Variants in LETM2 observed in about 807,000 individuals in gnomAD.
The protein encoded by LETM2 is LETM1 domain-containing protein LETM2, mitochondrial.
Under a neutral mutation model 59.6 loss-of-function variants are expected in LETM2, and 58 were observed. The ratio of observed to expected loss-of-function variants is 0.97; its 90% CI spans 0.79 to 1.21. The LOEUF is 1.21. LETM2 is among the 50% of genes most tolerant of loss of function. The pLI is 0.00. For missense variants in LETM2, 572 were observed against 575.7 expected (o/e 0.99, Z 0.07); for synonymous variants, 199 against 214.1 (o/e 0.93, Z 0.62).
At chr8:38,399,715 T>C (rs762700964) in intron 4 of LETM2, among the ~76,000 whole-genome samples, 1 of 148,188 alleles carries the variant, frequency 6.7e-6, no homozygotes, top group Non-Finnish European at 1.5e-5. Flanking sequence ...GAGAGAGAGG[T>C]TGCAGTGAGT....
At chr8:38,395,691 T>A (rs1432308500) in intron 4 of LETM2, among the ~76,000 whole-genome samples, 1 of 152,114 alleles carries the variant, frequency 6.6e-6, no homozygotes, top group East Asian at 1.9e-4. Context: ...AATTTTTGTA[T>A]TTTTAGTAGA....
intron 8 of LETM2, among the ~76,000 whole-genome samples, chr8:38,405,960 T>C (rs187271902): frequency 1.3e-5 from 2 of 152,320 alleles, no homozygotes; most frequent in Non-Finnish European, 1.5e-5. Flanking sequence ...ATTCTCCATG[T>C]ATATATACAA....
chr8:38,407,996 G>A (rs1023968175), intron 10 of LETM2: 2 of 506,888 alleles, frequency 3.9e-6, no homozygotes, highest in Middle Eastern at 5.6e-4. Context: ...GAGAATCTAT[G>A]AAGACACAGA....
chr8:38,383,440 C>G (rs1203283471), upstream of LETM2: 1 of 152,136 alleles, frequency 6.6e-6, no homozygotes, highest in African/African-American at 2.4e-5. Flanking sequence ...AGAATAAAGC[C>G]ATTTTACCGC....
intron 4 of LETM2, chr8:38,397,058 C>T (rs987108511): frequency 2.4e-5 from 11 of 454,256 alleles, no homozygotes; most frequent in African/African-American, 1.2e-4. Flanking sequence ...GTCACTGTGC[C>T]GGTGAGAAAA....
At chr8:38,384,579 C>A (rs749244246), upstream of LETM2, among the ~76,000 whole-genome samples, 5 of 152,154 alleles carry the variant, frequency 3.3e-5, no homozygotes, top group African/African-American at 4.8e-5. Flanking sequence ...TTAAAAATTT[C>A]TCTTCTGAAG....
At chr8:38,399,503 C>T (rs1041362693) in intron 4 of LETM2, among the ~76,000 whole-genome samples, 11 of 151,950 alleles carry the variant, frequency 7.2e-5, no homozygotes, top group Non-Finnish European at 1.2e-4. Flanking sequence ...CTTGTCTGGG[C>T]GCTGTGGCTC....
chr8:38,394,468 G>A (rs988785455), intron 4 of LETM2: 2 of 369,660 alleles, frequency 5.4e-6, no homozygotes, highest in Non-Finnish European at 4.8e-6. Context: ...TCATGTTGAA[G>A]CATTTCTGTG....
chr8:38,400,487 C>A, intron 5 of LETM2, 78 bp downstream of exon 5: 4 of 1,360,626 alleles, frequency 2.9e-6, no homozygotes, highest in Non-Finnish European at 4.0e-6. Context: ...ATGGATTTCC[C>A]AAATTGTTCA....
chr8:38,384,665 A>G (rs1477575064), upstream of LETM2, among the ~76,000 whole-genome samples: 11 of 152,366 alleles, frequency 7.2e-5, no homozygotes, highest in Non-Finnish European at 2.9e-5. Flanking sequence ...TAACTAGGGA[A>G]GACGGACATT....
At chr8:38,400,486 C>G in intron 5 of LETM2, 77 bp downstream of exon 5, 1 of 1,371,952 alleles carries the variant, frequency 7.3e-7, no homozygotes, top group Non-Finnish European at 9.9e-7. Flanking sequence ...CATGGATTTC[C>G]CAAATTGTTC....
chr8:38,390,485 G>C (rs1405988950), intron 2 of LETM2, among the ~76,000 whole-genome samples: 1 of 151,182 alleles, frequency 6.6e-6, no homozygotes, highest in African/African-American at 2.4e-5. Context: ...AGCCAGGTGT[G>C]GTGGCAGGCA....
intron 4 of LETM2, among the ~76,000 whole-genome samples, chr8:38,396,512 C>G (rs776787287): frequency 1.3e-5 from 2 of 152,162 alleles, no homozygotes; most frequent in Non-Finnish European, 2.9e-5. Context: ...ATTCATTTCT[C>G]TCTTTTTTGT....
upstream of LETM2, among the ~76,000 whole-genome samples, chr8:38,384,170 T>C (rs1467018836): frequency 6.6e-6 from 1 of 152,198 alleles, no homozygotes; most frequent in Non-Finnish European, 1.5e-5. Context: ...TTCTTCTTTT[T>C]CTTCCTCCTG....
intron 4 of LETM2, among the ~76,000 whole-genome samples, chr8:38,396,491 T>A (rs1812707138): frequency 6.6e-6 from 1 of 152,170 alleles, no homozygotes; most frequent in African/African-American, 2.4e-5. Context: ...AACTGTAATG[T>A]CAGTATATAG....
rs11776148 is a variant in LETM2, at chr8:38,404,408, C to T, written c.1120C>T (p.Leu374=). 6.2e-7 allele frequency: 1 copy of T among 1,612,974 alleles called. No individual in the cohort carries two copies. The highest frequency in any genetic ancestry group is 8.5e-7 in the Non-Finnish European group (1 of 1,178,950). The change falls in exon 8 of 11, where the codon CTG becomes TTG. Residue 374 remains leucine (L), a synonymous_variant. Transcript: ENST00000379957. ...QQLTEWQDLH[L]KENVPPSLLL... ...CGTTCTCCAGTGGCAGGACCTCCAC[C>T]TGAAGGAGAACGTCCCTCCTTCCCT...
At chr8:38,394,626 G>A (rs1199826535) in intron 4 of LETM2, among the ~76,000 whole-genome samples, 1 of 152,056 alleles carries the variant, frequency 6.6e-6, no homozygotes, top group African/African-American at 2.4e-5. Flanking sequence ...TGGATCGCCT[G>A]AGCCCAGGAG....
Position 38,387,763 on chromosome 8 carries a change from C to G in LETM2, c.-34-187C>G, listed in dbSNP as rs563623664. ...AGATCATTACCGTTTGTTGGAATCT[C>G]AAAGTACCATTCTCAAGTCCAGAGC... is the stretch of plus-strand genomic sequence containing the variant. On this transcript the variant is annotated intron_variant, in intron 1 of 10. Coordinates refer to ENST00000379957, the MANE Select transcript of LETM2 (RefSeq NM_001286819.2). 5.3e-5 allele frequency among the ~76,000 whole-genome samples: 8 copies of G among 152,184 alleles called. No homozygotes were observed. In the South Asian group the frequency reaches 1.7e-3, roughly 32 times the overall value.
rs1563403065 is a variant in LETM2 at position 38,408,306 on chromosome 8, C to T, written c.*32C>T. 15 of 1,583,642 alleles carry T rather than the reference C, an allele frequency of 9.5e-6. No homozygotes were observed. The highest frequency in any genetic ancestry group is 1.1e-5 in the Non-Finnish European group (13 of 1,155,186). Reference sequence around the variant, plus strand: ...ACTTGAGGATGGAGCTCACTCTCTTCAGCTTCCGGCCCTCAACAGTGGCAT... The same window carrying T: ...ACTTGAGGATGGAGCTCACTCTCTTTAGCTTCCGGCCCTCAACAGTGGCAT... On this transcript the variant is annotated 3_prime_UTR_variant, in exon 11 of 11. Transcript: ENST00000379957.
Sources: allele counts gnomAD v4.1 joint callset (sites outside exome capture counted in the v4.1 genomes callset), GRCh38; gene constraint gnomAD v4.1.1; transcripts MANE v1.5; gene names NCBI Gene and HGNC (gene_info 2026-07-23, HGNC 2026-07-21).